The following HELZ2 variants were observed in gnomAD, a reference collection of about 807,000 sequenced individuals.
The protein encoded by HELZ2 is 3'-5' exoribonuclease HELZ2.
A neutral mutation model predicts 208.8 loss-of-function variants in HELZ2; 143 were observed. The ratio of observed to expected loss-of-function variants is 0.68; its 90% CI spans 0.60 to 0.79. The LOEUF (loss-of-function observed/expected upper bound fraction) is 0.79, where lower values mean the gene tolerates loss of function less well. Ranked by LOEUF, HELZ2 falls within the 30% of genes least tolerant of loss-of-function variation. HELZ2 has a pLI of 0.00. For missense variants in HELZ2, 3,690 were observed against 3,794.5 expected (o/e 0.97, Z 0.72); for synonymous variants, 1,705 against 1,693.7 (o/e 1.01, Z -0.16).
At chr20:63,570,647 A>AGGCCC in intron 2 of HELZ2, 36 bp from the exon 4 acceptor site, 71 of 1,497,092 alleles carry the variant, frequency 4.7e-5, no homozygotes, top group Non-Finnish European at 6.0e-5. Flanking sequence ...AGAGGCCTGG[A>AGGCCC]CCCCACCCCA....
upstream of HELZ2, chr20:63,572,547 G>T: frequency 1.4e-6 from 1 of 729,154 alleles, no homozygotes; most frequent in Non-Finnish European, 2.2e-6. Flanking sequence ...ACGTGGGCCA[G>T]GAGGGAGGGG....
Position 63,560,111 on chromosome 20 carries a change from T to C in HELZ2, c.7658-16A>G, listed in dbSNP as rs751647968. 1.9e-5 allele frequency: 30 copies of C among 1,575,142 alleles called. No homozygotes were observed. The highest frequency in any genetic ancestry group is 2.6e-5 in the Non-Finnish European group (30 of 1,165,778). ...CACTCGCTCCCTGCGGGATGGGAGG[T>C]GAGGCCCTGCTGCCGCTGCGCCCAC... On this transcript the variant is annotated splice_polypyrimidine_tract_variant and intron_variant, in intron 17 of 18. Transcript: ENST00000467148.
chr20:63,566,736 CCT>C (rs1485171842), intron 6 of HELZ2, 106 bp downstream of exon 7: 13 of 1,147,270 alleles, frequency 1.1e-5, no homozygotes, highest in Non-Finnish European at 1.4e-5. Context: ...ACTGCAGCCC[CCT>C]CTTACAGATG....
In HELZ2 at chr20:63,561,345, C is replaced by CT. The variant is rs777138826; in HGVS notation, c.6953+4dup. On this transcript the variant is annotated splice_donor_region_variant and intron_variant, in intron 13 of 18. Coordinates refer to ENST00000467148, the Ensembl canonical transcript of HELZ2. ...CAGCTCCACCCCCTGGCCCCTGCCA[C>CT]TTACCAGACCAGGTCCTCCCTGGAG... 6.2e-7 allele frequency: 1 copy of CT among 1,612,984 alleles called. No individual in the cohort carries two copies. Among genetic ancestry groups the CT allele is most frequent in the Non-Finnish European group, 8.5e-7 (1 of 1,179,952 alleles).
upstream of HELZ2, chr20:63,573,100 C>G (rs2083030362): frequency 6.6e-6 from 1 of 152,462 alleles, no homozygotes; most frequent in African/African-American, 2.4e-5. This position sits in a 1 kb window ranked among gnomAD's most constrained non-coding sequence, Gnocchi z 4.9. Context: ...GGCTGTTGGG[C>G]AGCAGGGTGG....
exon 8 of HELZ2, chr20:63,563,869 G>C: frequency 6.3e-7 from 1 of 1,596,088 alleles, no homozygotes; most frequent in Admixed American, 1.7e-5. Context: ...GGTGGCCCCG[G>C]GCGCAGCGGC....
At chr20:63,571,095 G>A (rs1350999045) in intron 1 of HELZ2, 4 of 498,074 alleles carry the variant, frequency 8.0e-6, no homozygotes, top group Non-Finnish European at 1.1e-5. Context: ...TCAGCAGGTG[G>A]CAGGGAGGCC....
chr20:63,568,966 C>G (rs750752278), exon 5 of HELZ2: 4 of 1,603,808 alleles, frequency 2.5e-6, no homozygotes, highest in South Asian at 1.1e-5. Flanking sequence ...TCTGCAATGC[C>G]GTCTTCAGGA....
chr20:63,559,785 AGAGTCAGGTG>A, intron 18 of HELZ2, 133 bp downstream of exon 19: 1 of 537,464 alleles, frequency 1.9e-6, no homozygotes, highest in Non-Finnish European at 3.2e-6. Flanking sequence ...GGAGTCAGTC[AGAGTCAGGTG>A]GGAGGAGTCA....
At chr20:63,560,071 A>C in exon 18 of HELZ2, 3 of 1,606,490 alleles carry the variant, frequency 1.9e-6, no homozygotes, top group Non-Finnish European at 2.5e-6. Context: ...GACGGTGCTC[A>C]CCAGCACATA....
chr20:63,570,769 C>A lies in HELZ2; in HGVS notation c.378G>T (p.Gly126=), dbSNP rs762785402. ...CCAGCCCGTCCTGCCAGGCCGCCTG[C>A]CCCCGCAGCTCCACAGCCTGCGTGC... The change falls in exon 2 of 19, where the codon GGG becomes GGT. Residue 126 remains glycine, a synonymous_variant. Coordinates refer to ENST00000467148, the Ensembl canonical transcript of HELZ2. The A allele has an allele frequency of 1.2e-6, 2 of 1,610,598 alleles. No homozygotes were observed.
Position 63,564,238 on chromosome 20 carries a change from G to T in HELZ2, c.4584C>A (p.Tyr1528Ter), listed in dbSNP as rs1242954853. 1 of 1,612,018 alleles carries T rather than the reference G, an allele frequency of 6.2e-7. No homozygotes were observed. Among genetic ancestry groups the T allele is most frequent in the South Asian group, 1.1e-5 (1 of 90,934 alleles). Reference sequence around the variant, plus strand: ...CCACGAGCCTATTAAACTGAATCATGTACTCCTTCACCATGATGTGGGCCG... The same window carrying T: ...CCACGAGCCTATTAAACTGAATCATTTACTCCTTCACCATGATGTGGGCCG... Residue 1528 changes from tyrosine (Y) to a stop codon, truncating the protein, a stop_gained, in exon 8 of 19, where the codon TAC becomes TAA. Coordinates refer to ENST00000467148, the Ensembl canonical transcript of HELZ2. LOFTEE classifies it high-confidence loss of function.
rs376041753 is a variant in HELZ2 at position 63,565,321 on chromosome 20, G to A, written c.3501C>T (p.Phe1167=). The A allele has an allele frequency of 5.6e-6, 9 of 1,606,604 alleles. No individual in the cohort carries two copies. In the African/African-American group the frequency reaches 8.0e-5, roughly 14 times the overall value. The stretch of plus-strand genomic sequence containing the variant: ...GCTGCACCAGCACCTCATCCCCGGC[G>A]AAGGCCATCCCACAGTCCAGGCGGC... The change falls in exon 8 of 19, where the codon TTC becomes TTT. Residue 1167 remains phenylalanine, a synonymous_variant. Coordinates refer to ENST00000467148, the Ensembl canonical transcript of HELZ2.
chr20:63,560,246 C>A (rs759702669), exon 17 of HELZ2: 174 of 1,560,372 alleles, frequency 1.1e-4, no homozygotes, highest in Non-Finnish European at 1.4e-4. Context: ...ATCTCAGAGG[C>A]CTGCGCGTTG....
intron 3 of HELZ2, chr20:63,570,115 ATTTTTTTTTTT>A (rs56804055): frequency 8.0e-5 from 23 of 288,470 alleles, no homozygotes; most frequent in East Asian, 2.4e-4. Context: ...TGCCTGGCTA[ATTTTTTTTTTT>A]TTTTTTTTTT....
At chr20:63,568,987 C>G (rs1470785316) in exon 5 of HELZ2, 1 of 1,602,092 alleles carries the variant, frequency 6.2e-7, no homozygotes, top group South Asian at 1.1e-5. Context: ...ACACCTGGCC[C>G]CGCAGGGTCA....
chr20:63,573,447 C>A (rs1391120573), upstream of HELZ2, among the ~76,000 whole-genome samples: 3 of 152,128 alleles, frequency 2.0e-5, no homozygotes. The surrounding 1 kb of genome is among the most constrained non-coding windows in gnomAD (Gnocchi z 4.9). Flanking sequence ...GCTCACTGAC[C>A]CGGACACAGC....
In HELZ2 at chr20:63,560,524, T is replaced by A. The variant is rs763193769; in HGVS notation, c.7455A>T (p.Glu2485Asp). The stretch of plus-strand genomic sequence containing the variant: ...GGTTGGCCTTGGAGTTCTCATTCCC[T>A]TCGTCCGTGGACACCAGCAGGCTCC... The change falls in exon 16 of 19, where the codon GAA becomes GAT. Residue 2485 changes from glutamate to aspartate, a missense_variant. Glu to Asp is a conservative substitution (Grantham distance 45, BLOSUM62 2). Around this residue, in one of 3 missense-constraint regions of HELZ2, gnomAD observed 2,564 missense variants for 2,580.5 expected, o/e 0.99. Coordinates refer to ENST00000467148, the Ensembl canonical transcript of HELZ2. 35 of 1,602,104 alleles carry A rather than the reference T, an allele frequency of 2.2e-5. No individual in the cohort carries two copies. The Admixed American group carries it at 5.7e-4, about 26-fold the overall frequency.
At chr20:63,566,992 G>C in exon 6 of HELZ2, 1 of 1,610,942 alleles carries the variant, frequency 6.2e-7, no homozygotes. Flanking sequence ...GTCCCGGTCT[G>C]GGCTGCCCGC....
Sources: allele counts gnomAD v4.1 joint callset (sites outside exome capture counted in the v4.1 genomes callset), GRCh38; gene constraint gnomAD v4.1.1; regional missense constraint gnomAD v4.1.1; non-coding constraint Gnocchi (gnomAD v3.1); transcripts MANE v1.5; gene names NCBI Gene and HGNC (gene_info 2026-07-23, HGNC 2026-07-21).